The following INTU variants were observed in gnomAD, a reference collection of about 807,000 sequenced individuals.
The protein encoded by INTU is protein inturned.
Under a neutral mutation model 100.5 loss-of-function variants are expected in INTU, and 68 were observed. The observed-to-expected ratio is 0.68, with a 90% CI of 0.56 to 0.83. INTU has a LOEUF of 0.83. INTU is among the 40% of genes least tolerant of loss of function. The pLI is 0.00. For synonymous variants in INTU, 357 were observed against 395.7 expected, an observed-to-expected ratio of 0.90 and a Z score of 1.16; for missense variants, 1,071 against 1,114.7, an observed-to-expected ratio of 0.96 and a Z score of 0.56.
chr4:127,663,574 C>T lies in INTU; in HGVS notation c.962C>T (p.Ser321Leu), dbSNP rs1193112209. 6.2e-7 allele frequency: 1 copy of T among 1,612,776 alleles called. No homozygotes were observed. The highest frequency in any genetic ancestry group is 1.3e-5 in the African/African-American group (1 of 74,976). ...YLTLQLDSET[S>L]KEEQEILYHY... ...ACACTACAGCTCGACTCAGAAACCT[C>T]AAAGGAAGAGGTGAGTGTCCTCAAA... Residue 321 changes from serine to leucine, a missense_variant, in exon 4 of 16, where the codon TCA becomes TTA. Ser to Leu is a moderately radical substitution (Grantham distance 145, BLOSUM62 -2). Transcript: ENST00000335251.
At chr4:127,647,128 C>T (rs1360388934) in intron 2 of INTU, among the ~76,000 whole-genome samples, 2 of 152,136 alleles carry the variant, frequency 1.3e-5, no homozygotes, top group Admixed American at 6.6e-5. Flanking sequence ...TTTTAGCATT[C>T]GTGATTCCTT....
At chr4:127,674,596 C>G (rs187381494) in intron 6 of INTU, among the ~76,000 whole-genome samples, 1 of 152,198 alleles carries the variant, frequency 6.6e-6, no homozygotes, top group African/African-American at 2.4e-5. Context: ...GGTATTTTGC[C>G]CTGATGTTGA....
intron 2 of INTU, among the ~76,000 whole-genome samples, chr4:127,646,217 A>G (rs899134671): frequency 6.6e-6 from 1 of 151,354 alleles, no homozygotes; most frequent in Admixed American, 6.6e-5. Flanking sequence ...TGGATGACTT[A>G]TTATGCAACA....
chr4:127,717,566 T>C lies in INTU; in HGVS notation c.*1130T>C, dbSNP rs1473694457. 1 of 152,260 alleles carries C rather than the reference T, an allele frequency of 6.6e-6. No homozygotes were observed. Among genetic ancestry groups the C allele is most frequent in the Non-Finnish European group, 1.5e-5 (1 of 68,052 alleles). The allele number at this position is 152,260 out of a possible 1,614,324, so 9.4% of individuals were successfully genotyped here. On this transcript the variant is annotated 3_prime_UTR_variant, in exon 16 of 16. Coordinates refer to ENST00000335251, the MANE Select transcript of INTU (RefSeq NM_015693.4). ...CTAGATCTTTGAAGAATCACCACACTGTCTTCCACAATGGTTGAACTAATT... is the reference window on the plus strand; with the variant it reads ...CTAGATCTTTGAAGAATCACCACACCGTCTTCCACAATGGTTGAACTAATT...
At chr4:127,656,269 A>G (rs991241759) in intron 2 of INTU, among the ~76,000 whole-genome samples, 1 of 152,132 alleles carries the variant, frequency 6.6e-6, no homozygotes, top group East Asian at 1.9e-4. Context: ...CTGTGGGTCT[A>G]AGTGGTTAGA....
At chr4:127,671,354 A>T (rs555060511) in intron 5 of INTU, among the ~76,000 whole-genome samples, 1 of 152,138 alleles carries the variant, frequency 6.6e-6, no homozygotes, top group Non-Finnish European at 1.5e-5. Flanking sequence ...GATAACGTGC[A>T]TATGAAAAAA....
chr4:127,658,967 G>A (rs1442488259), intron 3 of INTU, among the ~76,000 whole-genome samples: 1 of 152,092 alleles, frequency 6.6e-6, no homozygotes, highest in East Asian at 1.9e-4. Context: ...AGGAGACAGT[G>A]ACAGATTATC....
rs75986616 is a variant in INTU, at chr4:127,672,696, T to C, written c.1092-1428T>C. Among the ~76,000 whole-genome samples the C allele has an allele frequency of 5.2e-3, 794 of 152,178 alleles. 11 individuals are homozygous for C. Among genetic ancestry groups the C allele is most frequent in the African/African-American group, 0.018 (765 of 41,544 alleles). ...ACACACTTTTTAAACTATAGTAATA[T>C]TAGTATACTATAAGAGGCTAATATT... On this transcript the variant is annotated intron_variant, in intron 5 of 15. Transcript: ENST00000335251.
At chr4:127,706,205 C>G (rs1054542969) in intron 11 of INTU, among the ~76,000 whole-genome samples, 1 of 152,078 alleles carries the variant, frequency 6.6e-6, no homozygotes, top group Non-Finnish European at 1.5e-5. Context: ...GAAAGGACTT[C>G]CAGTAACTGA....
chr4:127,684,260 G>T (rs186585702), intron 6 of INTU, 149 bp from the exon 7 acceptor site: 66 of 549,210 alleles, frequency 1.2e-4, no homozygotes, highest in South Asian at 8.2e-4. Context: ...AATGGTCATT[G>T]AAAGCGACCA....
chr4:127,707,392 C>CAAAAAAA (rs71587331), intron 12 of INTU, among the ~76,000 whole-genome samples: 5 of 44,580 alleles, frequency 1.1e-4, no homozygotes, highest in Admixed American at 3.5e-4. Context: ...GACTCTGTCT[C>CAAAAAAA]AAAAAAAAAA....
At chr4:127,676,478 T>G (rs1421843012) in intron 6 of INTU, among the ~76,000 whole-genome samples, 11 of 151,130 alleles carry the variant, frequency 7.3e-5, no homozygotes, top group African/African-American at 2.4e-4. Context: ...TCCAGCTACT[T>G]GGGAGGCTGA....
At chr4:127,655,427 G>A (rs1376113291) in intron 2 of INTU, among the ~76,000 whole-genome samples, 3 of 149,730 alleles carry the variant, frequency 2.0e-5, no homozygotes, top group Admixed American at 1.3e-4. Context: ...CTGTTTGTTA[G>A]TTTTCCTTCT....
intron 7 of INTU, among the ~76,000 whole-genome samples, chr4:127,684,698 T>A (rs1304521793): frequency 3.3e-5 from 5 of 151,266 alleles, no homozygotes; most frequent in Admixed American, 6.6e-5. Flanking sequence ...TTCCTCCACC[T>A]CCTTCTTTTT....
chr4:127,709,531 G>C (rs139020314), intron 13 of INTU, among the ~76,000 whole-genome samples: 24 of 152,258 alleles, frequency 1.6e-4, no homozygotes, highest in African/African-American at 5.3e-4. Flanking sequence ...AACTTAAACT[G>C]TCTGTAATTA....
chr4:127,711,922 T>C (rs1378581355), intron 14 of INTU, among the ~76,000 whole-genome samples: 2 of 152,218 alleles, frequency 1.3e-5, no homozygotes, highest in East Asian at 3.8e-4. Context: ...TGAATGTTGT[T>C]ATCTGTTGAA....
chr4:127,656,184 T>C (rs1272125878), intron 2 of INTU, among the ~76,000 whole-genome samples: 1 of 152,206 alleles, frequency 6.6e-6, no homozygotes, highest in Non-Finnish European at 1.5e-5. Context: ...ACCTGTCTTC[T>C]GCGTCGCTCA....
At chr4:127,649,746 G>A (rs535647829) in intron 2 of INTU, among the ~76,000 whole-genome samples, 1 of 152,188 alleles carries the variant, frequency 6.6e-6, no homozygotes, top group African/African-American at 2.4e-5. Context: ...TAGAGATTTT[G>A]TCTTTGTTCA....
chr4:127,646,679 A>T (rs964069150), intron 2 of INTU, among the ~76,000 whole-genome samples: 2 of 152,142 alleles, frequency 1.3e-5, no homozygotes, highest in African/African-American at 4.8e-5. Flanking sequence ...GGCAGGATAA[A>T]TGTCTGATTT....
Sources: gnomAD v4.1 joint callset for allele counts (sites outside exome capture counted in the v4.1 genomes callset) on GRCh38, gnomAD v4.1.1 for gene constraint, MANE v1.5 for transcripts, NCBI Gene and HGNC (gene_info 2026-07-23, HGNC 2026-07-21) for gene names.